PKD2: variants seen among roughly 807,000 people sequenced by gnomAD.
PKD2 encodes polycystin 2, transient receptor potential cation channel.
A neutral mutation model predicts 105.9 loss-of-function variants in PKD2; 48 were observed. That is an observed-to-expected ratio of 0.45 (90% CI 0.36 to 0.58). PKD2 has a LOEUF of 0.58. Ranked by LOEUF, PKD2 falls within the 20% of genes least tolerant of loss-of-function variation. The pLI, the probability that PKD2 is intolerant of heterozygous loss-of-function variation, is 0.00. For synonymous variants in PKD2, 464 were observed against 481.1 expected, an observed-to-expected ratio of 0.96 and a Z score of 0.46; for missense variants, 1,078 against 1,255.3, an observed-to-expected ratio of 0.86 and a Z score of 2.13.
intron 6 of PKD2, among the ~76,000 whole-genome samples, chr4:88,047,167 T>C (rs1414266972): frequency 7.3e-6 from 1 of 137,700 alleles, no homozygotes; most frequent in African/African-American, 3.5e-5. Flanking sequence ...AAACAGTTTT[T>C]TTTCTTTGTT....
intron 5 of PKD2, among the ~76,000 whole-genome samples, chr4:88,045,246 C>T (rs986450183): frequency 1.2e-4 from 18 of 152,220 alleles, no homozygotes; most frequent in Non-Finnish European, 5.9e-5. Context: ...AAGGCCACTT[C>T]CTTCCCTTTT....
intron 7 of PKD2, among the ~76,000 whole-genome samples, chr4:88,054,650 C>CTTTTT (rs1184325520): frequency 9.8e-5 from 8 of 81,348 alleles, no homozygotes; most frequent in Admixed American, 2.8e-4. Flanking sequence ...CATGACTCTA[C>CTTTTT]TTTTTTTTTT....
chr4:88,034,359 T>C (rs1727259868), intron 2 of PKD2, among the ~76,000 whole-genome samples: 1 of 152,028 alleles, frequency 6.6e-6, no homozygotes, highest in Admixed American at 6.6e-5. Flanking sequence ...TAATCTTAAT[T>C]TCCTATGATG....
At chr4:88,059,757 A>G (rs1720499631) in intron 9 of PKD2, among the ~76,000 whole-genome samples, 3 of 152,064 alleles carry the variant, frequency 2.0e-5, no homozygotes, top group African/African-American at 2.4e-5. Context: ...ACATACATAC[A>G]TACATACATA....
At chr4:88,074,597 T>G (rs961563805) in intron 13 of PKD2, among the ~76,000 whole-genome samples, 1 of 152,252 alleles carries the variant, frequency 6.6e-6, no homozygotes, top group Non-Finnish European at 1.5e-5. Flanking sequence ...TCTTAAGACT[T>G]CTGATACGCG....
intron 6 of PKD2, among the ~76,000 whole-genome samples, chr4:88,047,089 C>T (rs990138297): frequency 2.0e-5 from 3 of 152,062 alleles, no homozygotes; most frequent in Admixed American, 6.5e-5. Context: ...CTCTCAGCCA[C>T]GCTAATAACA....
intron 12 of PKD2, 68 bp from the exon 13 acceptor site, chr4:88,067,830 A>T (rs2110140967): frequency 7.1e-7 from 1 of 1,414,842 alleles, no homozygotes; most frequent in Admixed American, 1.7e-5. Context: ...TGCTTGCCCA[A>T]GTCCTTGGTG....
At chr4:88,045,763 A>G (rs17013746) in intron 5 of PKD2, among the ~76,000 whole-genome samples, 12,883 of 151,584 alleles carry the variant, frequency 0.085, 1,901 homozygotes, top group African/African-American at 0.3. Context: ...TCAGACATCT[A>G]TTGAGTACCC....
chr4:88,076,234 A>G lies in PKD2; in HGVS notation c.*540A>G, dbSNP rs1721230135. 1 of 159,652 alleles carries G rather than the reference A, an allele frequency of 6.3e-6. No homozygotes were observed. Among genetic ancestry groups the G allele is most frequent in the South Asian group, 1.7e-4 (1 of 5,752 alleles). The allele number at this position is 159,652 out of a possible 1,614,324, so 9.9% of individuals were successfully genotyped here. A position where few individuals can be genotyped will look rare whatever the true frequency, so the allele number is the denominator to read the frequency against. On this transcript the variant is annotated 3_prime_UTR_variant, in exon 15 of 15. Coordinates refer to ENST00000237596, the MANE Select transcript of PKD2 (RefSeq NM_000297.4). ...ATAAAATGGAAAGGAACTCCAAACT[A>G]TGATAGAATCTGTGTGAATGGTTAA... is the stretch of plus-strand genomic sequence containing the variant.
intron 6 of PKD2, among the ~76,000 whole-genome samples, chr4:88,047,621 C>T (rs1042659890): frequency 2.0e-5 from 3 of 152,124 alleles, no homozygotes; most frequent in African/African-American, 2.4e-5. Flanking sequence ...AGAAAACTTT[C>T]TGCAGTTTAA....
At chr4:88,015,622 A>AG (rs1726533187) in intron 1 of PKD2, among the ~76,000 whole-genome samples, 2 of 152,292 alleles carry the variant, frequency 1.3e-5, no homozygotes, top group Admixed American at 1.3e-4. Context: ...AGGTTTCACC[A>AG]TGTTAGATAG....
intron 2 of PKD2, among the ~76,000 whole-genome samples, chr4:88,021,383 C>T (rs904333009): frequency 1.3e-5 from 2 of 152,148 alleles, no homozygotes; most frequent in Non-Finnish European, 2.9e-5. Context: ...GGAAATATGC[C>T]TAAAGTCACA....
Position 88,052,035 on chromosome 4 carries a change from T to A in PKD2, c.1593T>A (p.Asn531Lys). 1.2e-6 allele frequency: 2 copies of A among 1,601,198 alleles called. No individual in the cohort carries two copies. Among genetic ancestry groups the A allele is most frequent in the Non-Finnish European group, 1.7e-6 (2 of 1,168,566 alleles). The change falls in exon 7 of 15, where the codon AAT (asparagine) becomes AAA (lysine). Residue 531 changes from asparagine (N) to lysine (K), a missense_variant. Physicochemically the swap from Asn to Lys is moderately conservative, Grantham distance 94 (BLOSUM62 0). Coordinates refer to ENST00000237596, the MANE Select transcript of PKD2 (RefSeq NM_000297.4). Reference sequence around the variant, plus strand: ...GAATTAACATATACAGAACATCAAATGTGGAGGTGCTACTACAGTTTCTGG... The same window carrying A: ...GAATTAACATATACAGAACATCAAAAGTGGAGGTGCTACTACAGTTTCTGG... Reference protein sequence around the residue: ...AIGINIYRTSNVEVLLQFLED... With the variant: ...AIGINIYRTSKVEVLLQFLED...
In PKD2 at chr4:88,023,870, C is replaced by G. The variant is rs144904239; in HGVS notation, c.709+4299C>G. Among the ~76,000 whole-genome samples the G allele has an allele frequency of 4.3e-3, 658 of 152,316 alleles. 3 individuals carry two copies. Among genetic ancestry groups the G allele is most frequent in the African/African-American group, 0.015 (635 of 41,572 alleles). On this transcript the variant is annotated intron_variant, in intron 2 of 14. Transcript: ENST00000237596. The stretch of plus-strand genomic sequence containing the variant: ...AGCCTAGACTCAGATTCATTTGGAG[C>G]AGCTAACTGCTCACCAAGAGCTTAT...
intron 13 of PKD2, among the ~76,000 whole-genome samples, chr4:88,071,178 C>T (rs555824864): frequency 8.6e-4 from 131 of 152,074 alleles, no homozygotes; most frequent in Non-Finnish European, 1.8e-3. Context: ...ACCTCAGCCT[C>T]CTAAGTACCT....
rs11943215 is a variant in PKD2, at chr4:88,010,138, A to C, written c.595+1810A>C. On this transcript the variant is annotated intron_variant, in intron 1 of 14. Transcript: ENST00000237596. ...GAGTCGGGGTTTCACTCTGTCACTGAGGCTGGAGTGCGGGGAAGCAAACGT... is the reference window on the plus strand; with the variant it reads ...GAGTCGGGGTTTCACTCTGTCACTGCGGCTGGAGTGCGGGGAAGCAAACGT... Among the ~76,000 whole-genome samples the C allele has an allele frequency of 1.1e-3, 165 of 151,262 alleles. 1 individual carries two copies. Among genetic ancestry groups the C allele is most frequent in the African/African-American group, 3.8e-3 (157 of 41,156 alleles).
intron 1 of PKD2, among the ~76,000 whole-genome samples, chr4:88,010,187 TG>T (rs1429864543): frequency 4.6e-5 from 7 of 152,040 alleles, no homozygotes; most frequent in Non-Finnish European, 1.0e-4. Flanking sequence ...CTCAAACTCC[TG>T]GGCTCAAGCT....
At chr4:88,049,711 T>A (rs1211602068) in intron 6 of PKD2, among the ~76,000 whole-genome samples, 1 of 152,176 alleles carries the variant, frequency 6.6e-6, no homozygotes, top group Non-Finnish European at 1.5e-5. Flanking sequence ...CAAAATTTGC[T>A]TATGCTTACC....
At chr4:88,012,244 G>C (rs1015798176) in intron 1 of PKD2, among the ~76,000 whole-genome samples, 2 of 152,108 alleles carry the variant, frequency 1.3e-5, no homozygotes, top group East Asian at 3.8e-4. Context: ...ACTCTCATCC[G>C]TCACCACTTT....
Sources: allele counts gnomAD v4.1 joint callset (sites outside exome capture counted in the v4.1 genomes callset), GRCh38; gene constraint gnomAD v4.1.1; transcripts MANE v1.5; gene names NCBI Gene and HGNC (gene_info 2026-07-23, HGNC 2026-07-21).